ANOS1: variants seen among roughly 807,000 people sequenced by gnomAD.
The protein encoded by ANOS1 is anosmin 1.
A neutral mutation model predicts 59.0 loss-of-function variants in ANOS1; 6 were observed. That is an observed-to-expected ratio of 0.10 (90% CI 0.06 to 0.20). The LOEUF is 0.20. Among genes scored for constraint, ANOS1 ranks in the 10% least tolerant of loss-of-function variants. The pLI, the probability that ANOS1 is intolerant of heterozygous loss-of-function variation, is 1.00. For synonymous variants in ANOS1, 217 were observed against 223.4 expected (o/e 0.97, Z 0.25); for missense variants, 433 against 542.3 (o/e 0.80, Z 2.00).
intron 1 of ANOS1, among the ~76,000 whole-genome samples, chrX:8,729,622 G>C (rs1298540795): frequency 1.0e-5 from 1 of 99,137 alleles, no homozygotes; most frequent in Non-Finnish European, 2.0e-5. Context: ...TCAAACTCCT[G>C]ACCTCAAATG....
intron 9 of ANOS1, among the ~76,000 whole-genome samples, chrX:8,545,614 A>C (rs1365033217): frequency 8.9e-6 from 1 of 112,087 alleles, no homozygotes; most frequent in Non-Finnish European, 1.9e-5. Flanking sequence ...TTATAACCCA[A>C]CTACTATGTG....
intron 3 of ANOS1, among the ~76,000 whole-genome samples, chrX:8,609,875 TG>T (rs775909270): frequency 0.019 from 2,029 of 106,874 alleles, 32 homozygotes; most frequent in South Asian, 0.028. Flanking sequence ...GGCGTGGTGG[TG>T]GGCGCCTGTA....
chrX:8,560,867 T>C (rs1812774372), intron 8 of ANOS1, among the ~76,000 whole-genome samples: 1 of 112,634 alleles, frequency 8.9e-6, no homozygotes, highest in Non-Finnish European at 1.9e-5. Context: ...AATTTAGAGG[T>C]TGCATACATA....
At chrX:8,696,728 T>A (rs1372290408) in intron 2 of ANOS1, among the ~76,000 whole-genome samples, 1 of 112,704 alleles carries the variant, frequency 8.9e-6, no homozygotes, top group Non-Finnish European at 1.9e-5. Context: ...AGGGCTTTTC[T>A]GTGCAGTATA....
At chrX:8,613,005 T>C (rs376136690) in intron 3 of ANOS1, among the ~76,000 whole-genome samples, 4 of 112,128 alleles carry the variant, frequency 3.6e-5, no homozygotes, top group African/African-American at 1.3e-4. Context: ...TCTTCATTCA[T>C]TGATTCATTT....
intron 1 of ANOS1, among the ~76,000 whole-genome samples, chrX:8,730,399 C>T (rs991372163): frequency 8.9e-6 from 1 of 112,811 alleles, no homozygotes; most frequent in Non-Finnish European, 1.9e-5. Context: ...GTGCCCATTT[C>T]TCTGACACCC....
intron 2 of ANOS1, among the ~76,000 whole-genome samples, chrX:8,638,652 A>G (rs1931610849): frequency 8.9e-6 from 1 of 112,330 alleles, no homozygotes; most frequent in Non-Finnish European, 1.9e-5. Flanking sequence ...AATAATGAGT[A>G]GGATTAACCA....
intron 3 of ANOS1, among the ~76,000 whole-genome samples, chrX:8,602,888 G>A (rs1013004606): frequency 7.2e-5 from 8 of 110,783 alleles, no homozygotes; most frequent in African/African-American, 1.3e-4. Flanking sequence ...ACAGGCATGC[G>A]CCACCATGTC....
Position 8,531,937 on chromosome X carries a change from A to G in ANOS1, c.*1058T>C, listed in dbSNP as rs1414077897. 2 of 112,022 alleles carry G rather than the reference A, an allele frequency of 1.8e-5. No homozygotes were observed. Among genetic ancestry groups the G allele is most frequent in the Non-Finnish European group, 3.8e-5 (2 of 53,247 alleles). 9.2% of individuals were successfully genotyped at this position (112,022 alleles called of 1,213,427 possible). ...TAATTTGTAGCATAAAACATTTCCA[A>G]AAAGTAAGATATACTAGATTTGAAA... On this transcript the variant is annotated 3_prime_UTR_variant, in exon 14 of 14. Coordinates refer to ENST00000262648, the MANE Select transcript of ANOS1 (RefSeq NM_000216.4).
rs1381489929 is a variant in ANOS1 at position 8,640,632 on chromosome X, T to C, written c.256-16962A>G. On this transcript the variant is annotated intron_variant, in intron 2 of 13. Transcript: ENST00000262648. Reference sequence around the variant, plus strand: ...ACTGTTGGAAAGGTCGCATTTCTTGTTTTTTTTTTCTCTTGTAATATAATC... The same window carrying C: ...ACTGTTGGAAAGGTCGCATTTCTTGCTTTTTTTTTCTCTTGTAATATAATC... Among the ~76,000 whole-genome samples, 8 of 105,423 alleles carry C rather than the reference T, an allele frequency of 7.6e-5. No homozygotes were observed. The Admixed American group carries it at 8.1e-4, about 11-fold the overall frequency. The allele number at this position is 105,423 out of a possible 115,157, so 91.5% of individuals were successfully genotyped here. A position where few individuals can be genotyped will look rare whatever the true frequency, so the allele number is the denominator to read the frequency against.
intron 2 of ANOS1, among the ~76,000 whole-genome samples, chrX:8,652,650 A>G (rs745689838): frequency 9.0e-6 from 1 of 111,439 alleles, no homozygotes; most frequent in South Asian, 3.8e-4. Context: ...AATAGAAGGT[A>G]CTCAAGCATC....
intron 6 of ANOS1, among the ~76,000 whole-genome samples, chrX:8,578,692 T>C (rs1042386595): frequency 8.9e-6 from 1 of 112,236 alleles, no homozygotes; most frequent in Non-Finnish European, 1.9e-5. Context: ...GAAATGAATA[T>C]AATTACTAAA....
intron 2 of ANOS1, among the ~76,000 whole-genome samples, chrX:8,693,867 G>A (rs1165122958): frequency 9.2e-6 from 1 of 108,388 alleles, no homozygotes. Flanking sequence ...GGGACTACAG[G>A]TGTGCACCAC....
At chrX:8,594,760 ATATATAT>A (rs1930702838) in intron 4 of ANOS1, among the ~76,000 whole-genome samples, 2 of 82,251 alleles carry the variant, frequency 2.4e-5, no homozygotes, top group African/African-American at 4.6e-5. Flanking sequence ...ACATATATAT[ATATATAT>A]TTTTTTTTTG....
At chrX:8,674,162 T>C (rs897281170) in intron 2 of ANOS1, among the ~76,000 whole-genome samples, 2 of 111,880 alleles carry the variant, frequency 1.8e-5, no homozygotes, top group South Asian at 3.7e-4. Context: ...CTTTTTGACA[T>C]AGAAATAATC....
At chrX:8,653,831 A>C (rs749973858) in intron 2 of ANOS1, among the ~76,000 whole-genome samples, 8 of 112,131 alleles carry the variant, frequency 7.1e-5, no homozygotes, top group Non-Finnish European at 1.3e-4. Context: ...TTCAGCACAC[A>C]GTAGGTATTC....
At chrX:8,708,934 T>C (rs1469181028) in intron 1 of ANOS1, among the ~76,000 whole-genome samples, 2 of 111,141 alleles carry the variant, frequency 1.8e-5, no homozygotes, top group Non-Finnish European at 3.8e-5. Context: ...TATGCAGCCA[T>C]AAAAAAGGAT....
intron 2 of ANOS1, among the ~76,000 whole-genome samples, chrX:8,672,529 T>C (rs1932274286): frequency 8.9e-6 from 1 of 112,113 alleles, no homozygotes; most frequent in South Asian, 3.7e-4. Context: ...TGGCCAGGGG[T>C]GCACTGGTTC....
At chrX:8,660,268 G>T (rs919040455) in intron 2 of ANOS1, among the ~76,000 whole-genome samples, 10 of 112,102 alleles carry the variant, frequency 8.9e-5, no homozygotes, top group African/African-American at 2.6e-4. Context: ...TGGACATGTG[G>T]ACATTGTCTT....
Sources: gnomAD v4.1 joint callset for allele counts (sites outside exome capture counted in the v4.1 genomes callset) on GRCh38, gnomAD v4.1.1 for gene constraint, MANE v1.5 for transcripts, NCBI Gene and HGNC (gene_info 2026-07-23, HGNC 2026-07-21) for gene names.